Variants in ARHGAP21 observed in about 807,000 individuals in gnomAD.
The protein encoded by ARHGAP21 is rho GTPase-activating protein 21.
ARHGAP21 carries 38 observed loss-of-function variants against 164.6 expected under a neutral mutation model. The observed-to-expected ratio is 0.23, with a 90% CI of 0.18 to 0.30. The LOEUF (loss-of-function observed/expected upper bound fraction) is 0.30, where lower values mean the gene tolerates loss of function less well. Ranked by LOEUF, ARHGAP21 falls within the 10% of genes least tolerant of loss-of-function variation. ARHGAP21 has a pLI of 1.00. For synonymous variants in ARHGAP21, 766 were observed against 857.9 expected, an observed-to-expected ratio of 0.89 and a Z score of 1.87; for missense variants, 1,822 against 2,370.7, an observed-to-expected ratio of 0.77 and a Z score of 4.81.
intron 2 of ARHGAP21, among the ~76,000 whole-genome samples, chr10:24,716,156 A>C (rs1845355929): frequency 6.6e-6 from 1 of 152,266 alleles, no homozygotes; most frequent in Non-Finnish European, 1.5e-5. Context: ...TAGGCACAAG[A>C]AACACAATGT....
intron 13 of ARHGAP21, 86 bp downstream of exon 13, chr10:24,601,892 C>A: frequency 1.5e-6 from 2 of 1,303,500 alleles, no homozygotes; most frequent in Admixed American, 2.9e-5. Context: ...ATCTGGATAT[C>A]ATGCCATTTT....
intron 4 of ARHGAP21, among the ~76,000 whole-genome samples, chr10:24,656,162 T>TC (rs1838853880): frequency 8.6e-6 from 1 of 115,612 alleles, no homozygotes; most frequent in Non-Finnish European, 1.8e-5. Context: ...GGGAGGGAGG[T>TC]GGGGGGGGTC....
chr10:24,691,048 T>C (rs530538355), intron 2 of ARHGAP21, among the ~76,000 whole-genome samples: 7 of 152,164 alleles, frequency 4.6e-5, no homozygotes, highest in East Asian at 1.9e-4. Flanking sequence ...TCTTAAAATA[T>C]AGTAGCAGAA....
At chr10:24,654,927 G>A (rs1187492024) in intron 4 of ARHGAP21, among the ~76,000 whole-genome samples, 1 of 152,170 alleles carries the variant, frequency 6.6e-6, no homozygotes, top group Non-Finnish European at 1.5e-5. Flanking sequence ...CAGAGATATA[G>A]ATCAATGGAA....
chr10:24,625,299 G>GCAAA lies in ARHGAP21; in HGVS notation c.496-2538_496-2537insTTTG, dbSNP rs768183583. On this transcript the variant is annotated intron_variant, in intron 7 of 25. Transcript: ENST00000396432. ...TAAATGGTAAACAAAATGAAACAGA[G>GCAAA]AAAAAAAAAAAAAAAAAAAAAAAAC... Among the ~76,000 whole-genome samples the GCAAA allele has an allele frequency of 4.8e-4, 26 of 53,786 alleles. 7 individuals carry two copies. Among genetic ancestry groups the GCAAA allele is most frequent in the East Asian group, 3.2e-3 (5 of 1,582 alleles). 35.3% of individuals were successfully genotyped at this position (53,786 alleles called of 152,430 possible).
chr10:24,594,203 T>TTAAAATCTCTGATGATA (rs534982471), intron 21 of ARHGAP21, among the ~76,000 whole-genome samples: 150 of 152,326 alleles, frequency 9.8e-4, no homozygotes, highest in African/African-American at 3.2e-3. Context: ...AATCATCATT[T>TTAAAATCTCTGATGATA]TAAAATCTCT....
chr10:24,623,631 T>A (rs1834792055), intron 7 of ARHGAP21, among the ~76,000 whole-genome samples: 1 of 152,224 alleles, frequency 6.6e-6, no homozygotes, highest in Non-Finnish European at 1.5e-5. Context: ...GAGAGAATAC[T>A]GTACTGTCTG....
intron 21 of ARHGAP21, 142 bp from the exon 22 acceptor site, chr10:24,592,154 AGATT>A: frequency 4.7e-5 from 26 of 552,232 alleles, no homozygotes; most frequent in Non-Finnish European, 4.6e-5. Flanking sequence ...CTTTCTAGCA[AGATT>A]TTTTTTTTTT....
intron 2 of ARHGAP21, among the ~76,000 whole-genome samples, chr10:24,680,640 T>C (rs1841676202): frequency 6.6e-6 from 1 of 152,064 alleles, no homozygotes; most frequent in Non-Finnish European, 1.5e-5. Context: ...GCTCCTCTAG[T>C]CTCCTAGAGG....
rs57863565 is a variant in ARHGAP21 at position 24,719,098 on chromosome 10, TACACAC to T, written c.63+2733_63+2738del. Among the ~76,000 whole-genome samples the T allele has an allele frequency of 1.1e-3, 160 of 147,610 alleles. 1 individual carries two copies. Among genetic ancestry groups the T allele is most frequent in the Middle Eastern group, 3.4e-3 (1 of 294 alleles). On this transcript the variant is annotated intron_variant, in intron 2 of 25. Coordinates refer to ENST00000396432, the MANE Select transcript of ARHGAP21 (RefSeq NM_020824.4). Reference sequence around the variant, plus strand: ...ATTGGTGTCAGAAGACTTCACGGACTACACACACACACACACACACACACACACACA... The same window carrying T: ...ATTGGTGTCAGAAGACTTCACGGACTACACACACACACACACACACACACA...
At chr10:24,675,870 G>A (rs1015374893) in intron 2 of ARHGAP21, among the ~76,000 whole-genome samples, 4 of 152,210 alleles carry the variant, frequency 2.6e-5, no homozygotes, top group African/African-American at 2.4e-5. Flanking sequence ...AAAGTAGATC[G>A]GGCTCAGTGG....
At chr10:24,594,183 T>C (rs186805380) in intron 21 of ARHGAP21, among the ~76,000 whole-genome samples, 215 of 152,258 alleles carry the variant, frequency 1.4e-3, no homozygotes, top group African/African-American at 4.9e-3. Context: ...GTAATGCCCT[T>C]GAGTTAGAAA....
At chr10:24,657,186 CA>C in intron 4 of ARHGAP21, among the ~76,000 whole-genome samples, 1 of 23,288 alleles carries the variant, frequency 4.3e-5, no homozygotes, top group East Asian at 1.1e-3. Flanking sequence ...TCTGCCCGGC[CA>C]CCCCTACTGG....
At chr10:24,633,262 C>G (rs1836016298) in intron 6 of ARHGAP21, 140 bp downstream of exon 6, 1 of 584,878 alleles carries the variant, frequency 1.7e-6, no homozygotes, top group South Asian at 2.8e-5. Context: ...TGGCAACTCT[C>G]AAATGCATTA....
chr10:24,709,605 T>C (rs749296341), intron 2 of ARHGAP21, among the ~76,000 whole-genome samples: 6 of 151,994 alleles, frequency 3.9e-5, no homozygotes, highest in African/African-American at 7.2e-5. Context: ...CCAGGTGTGA[T>C]GGTGCATGCC....
Position 24,619,507 on chromosome 10 carries a change from C to T in ARHGAP21, c.2388G>A (p.Pro796=), listed in dbSNP as rs771713358. Residue 796 remains proline (P), a synonymous_variant, in exon 9 of 26, where the codon CCG becomes CCA. Transcript: ENST00000396432. ...GGATGGAAGCCAAAGAATCGCCAGG[C>T]GGACTGGTACTCGAGGCTTTTCTTT... ...MEERKASSTS[P]PGDSLASIPF... is the part of the protein sequence containing the mutation. 11 of 1,613,854 alleles carry T rather than the reference C, an allele frequency of 6.8e-6. No homozygotes were observed. The African/African-American group carries it at 9.3e-5, about 14-fold the overall frequency.
intron 2 of ARHGAP21, among the ~76,000 whole-genome samples, chr10:24,707,749 A>G (rs1300639696): frequency 6.6e-6 from 1 of 152,124 alleles, no homozygotes; most frequent in Non-Finnish European, 1.5e-5. Context: ...CACTTCTCCC[A>G]AAACATATAA....
rs539503075 is a variant in ARHGAP21 at position 24,674,355 on chromosome 10, G to A, written c.64-3958C>T. Reference sequence around the variant, plus strand: ...TCAAGACCAATCTGGCCAACATGGTGAAACCCCGTCTCTACTAAAAATACA... The same window carrying A: ...TCAAGACCAATCTGGCCAACATGGTAAAACCCCGTCTCTACTAAAAATACA... On this transcript the variant is annotated intron_variant, in intron 2 of 25. Coordinates refer to ENST00000396432, the MANE Select transcript of ARHGAP21 (RefSeq NM_020824.4). Among the ~76,000 whole-genome samples, 10 of 152,334 alleles carry A rather than the reference G, an allele frequency of 6.6e-5. 1 individual carries two copies. Among genetic ancestry groups the A allele is most frequent in the Admixed American group, 6.5e-4 (10 of 15,296 alleles).
chr10:24,607,412 C>A, intron 11 of ARHGAP21, 87 bp downstream of exon 11: 1 of 1,060,634 alleles, frequency 9.4e-7, no homozygotes. Context: ...AAACATAAGA[C>A]ATCATTAAAT....
Sources: allele counts gnomAD v4.1 joint callset (sites outside exome capture counted in the v4.1 genomes callset), GRCh38; gene constraint gnomAD v4.1.1; transcripts MANE v1.5; gene names NCBI Gene and HGNC (gene_info 2026-07-23, HGNC 2026-07-21).